RSU1: variants seen among roughly 807,000 people sequenced by gnomAD.
RSU1 encodes Ras suppressor protein 1, also known as rsu-1.
In RSU1, 26 loss-of-function variants were observed where a neutral mutation model predicts 31.1. The ratio of observed to expected loss-of-function variants is 0.84; its 90% confidence interval spans 0.61 to 1.16. The LOEUF (loss-of-function observed/expected upper bound fraction) is 1.16, where lower values mean the gene tolerates loss of function less well. RSU1 is among the 50% of genes most tolerant of loss of function. RSU1 has a pLI of 0.00. For missense variants in RSU1, 320 were observed against 339.1 expected (o/e 0.94, Z 0.44); for synonymous variants, 164 against 136.3 (o/e 1.20, Z -1.41).
chr10:16,762,657 G>A (rs1390375232), intron 4 of RSU1, among the ~76,000 whole-genome samples: 3 of 152,150 alleles, frequency 2.0e-5, no homozygotes, highest in African/African-American at 7.2e-5. Flanking sequence ...TAATGTGTCT[G>A]ACCAAATTCC....
At chr10:16,740,804 C>T (rs1022550469) in intron 7 of RSU1, among the ~76,000 whole-genome samples, 3 of 152,018 alleles carry the variant, frequency 2.0e-5, no homozygotes, top group Non-Finnish European at 2.9e-5. Context: ...TGAAAGAAAT[C>T]GAAGATCTAA....
intron 8 of RSU1, among the ~76,000 whole-genome samples, chr10:16,683,991 G>A (rs1269338726): frequency 1.3e-5 from 2 of 152,220 alleles, no homozygotes; most frequent in African/African-American, 2.4e-5. Context: ...ATAAAAGATT[G>A]TGGAGACCAA....
chr10:16,751,071 T>C (rs1382147445), intron 7 of RSU1, among the ~76,000 whole-genome samples: 4 of 152,108 alleles, frequency 2.6e-5, no homozygotes, highest in Non-Finnish European at 5.9e-5. Flanking sequence ...TTCACCATGT[T>C]GCACAGGCTG....
chr10:16,596,082 G>C (rs992984661), intron 8 of RSU1, among the ~76,000 whole-genome samples: 4 of 152,140 alleles, frequency 2.6e-5, no homozygotes, highest in African/African-American at 7.2e-5. Flanking sequence ...TGGGCACCTG[G>C]GGGTCCTGGG....
chr10:16,659,295 T>C (rs1219985873), intron 8 of RSU1, among the ~76,000 whole-genome samples: 1 of 145,716 alleles, frequency 6.9e-6, no homozygotes, highest in African/African-American at 2.8e-5. Context: ...ACTCTGAGGT[T>C]ATATTCTTTT....
chr10:16,618,934 G>T (rs1834025524), intron 8 of RSU1, among the ~76,000 whole-genome samples: 1 of 152,156 alleles, frequency 6.6e-6, no homozygotes, highest in African/African-American at 2.4e-5. Context: ...CATGGCACAT[G>T]TATACCTATG....
At chr10:16,608,890 C>T (rs143677911) in intron 8 of RSU1, among the ~76,000 whole-genome samples, 24 of 152,112 alleles carry the variant, frequency 1.6e-4, no homozygotes, top group South Asian at 2.1e-4. Flanking sequence ...GCCCTGGCTG[C>T]GGTGCCATCA....
chr10:16,770,018 T>C (rs1398584933), intron 3 of RSU1, among the ~76,000 whole-genome samples: 1 of 152,086 alleles, frequency 6.6e-6, no homozygotes, highest in Non-Finnish European at 1.5e-5. Flanking sequence ...AGTGGCAAAT[T>C]CATCATGACC....
intron 8 of RSU1, among the ~76,000 whole-genome samples, chr10:16,614,454 T>TCC (rs547752273): frequency 6.6e-6 from 1 of 150,748 alleles, no homozygotes; most frequent in Admixed American, 6.6e-5. Context: ...GGCACTATAG[T>TCC]CCCCCCACCA....
intron 8 of RSU1, among the ~76,000 whole-genome samples, chr10:16,644,670 C>G (rs9651519): frequency 6.6e-6 from 1 of 152,048 alleles, no homozygotes; most frequent in Non-Finnish European, 1.5e-5. Flanking sequence ...TGATTTTGCC[C>G]GCTAAATGGA....
intron 3 of RSU1, among the ~76,000 whole-genome samples, chr10:16,771,719 A>G (rs1158637184): frequency 6.6e-6 from 1 of 152,256 alleles, no homozygotes; most frequent in Non-Finnish European, 1.5e-5. Context: ...CTGATGTTCA[A>G]AAGTATACTA....
At chr10:16,801,786 T>C (rs911099925) in intron 2 of RSU1, among the ~76,000 whole-genome samples, 3 of 152,018 alleles carry the variant, frequency 2.0e-5, no homozygotes, top group African/African-American at 4.8e-5. Flanking sequence ...CTAAATAACA[T>C]GTCAAAGAAA....
intron 2 of RSU1, among the ~76,000 whole-genome samples, chr10:16,791,524 G>A (rs1057100272): frequency 1.3e-5 from 2 of 151,716 alleles, no homozygotes; most frequent in Non-Finnish European, 2.9e-5. Flanking sequence ...AGCTACTTGG[G>A]AGGCTGAGGC....
intron 7 of RSU1, among the ~76,000 whole-genome samples, chr10:16,718,097 TAA>T (rs11411668): frequency 1.5e-5 from 2 of 136,194 alleles, no homozygotes; most frequent in Non-Finnish European, 3.1e-5. Context: ...TCAATTTATT[TAA>T]AAAAAAAAAA....
chr10:16,613,031 G>C (rs553091546), intron 8 of RSU1, among the ~76,000 whole-genome samples: 34 of 152,080 alleles, frequency 2.2e-4, no homozygotes, highest in Admixed American at 9.8e-4. Flanking sequence ...TTTTCCTTCA[G>C]TAATAACTCT....
chr10:16,795,894 C>T (rs1485292645), intron 2 of RSU1, among the ~76,000 whole-genome samples: 6 of 152,162 alleles, frequency 3.9e-5, no homozygotes, highest in Non-Finnish European at 7.3e-5. Flanking sequence ...TGATGTCAGA[C>T]GTTTCTCTAT....
chr10:16,600,886 G>T (rs1323778982), intron 8 of RSU1, among the ~76,000 whole-genome samples: 1 of 152,000 alleles, frequency 6.6e-6, no homozygotes, highest in African/African-American at 2.4e-5. Context: ...ATTTAATATG[G>T]GCATCTTTAT....
intron 8 of RSU1, among the ~76,000 whole-genome samples, chr10:16,605,463 C>T (rs1833786909): frequency 6.6e-6 from 1 of 152,094 alleles, no homozygotes; most frequent in Admixed American, 6.5e-5. Context: ...TACAAATATC[C>T]AAATACATGG....
chr10:16,592,312 A>T lies in RSU1; in HGVS notation c.*1082T>A, dbSNP rs1165195803. 3 of 152,162 alleles carry T rather than the reference A, an allele frequency of 2.0e-5. No homozygotes were observed. The highest frequency in any genetic ancestry group is 4.8e-5 in the African/African-American group (2 of 41,454). 9.4% of individuals were successfully genotyped at this position (152,162 alleles called of 1,614,324 possible). On this transcript the variant is annotated 3_prime_UTR_variant, in exon 9 of 9. Coordinates refer to ENST00000345264, the MANE Select transcript of RSU1 (RefSeq NM_012425.4). ...TTTTTGTGTCGGCCTTCTGGGGTTG[A>T]CAGCCCTTTCAGTGAGCACAAAACC...
Sources: allele counts gnomAD v4.1 joint callset (sites outside exome capture counted in the v4.1 genomes callset), GRCh38; gene constraint gnomAD v4.1.1; transcripts MANE v1.5; gene names NCBI Gene and HGNC (gene_info 2026-07-23, HGNC 2026-07-21).